Variants in SOS1 observed in about 807,000 individuals in gnomAD.
SOS1 encodes son of sevenless homolog 1.
In SOS1, 25 loss-of-function variants were observed where a neutral mutation model predicts 157.6. That is an observed-to-expected ratio of 0.16 (90% CI 0.12 to 0.22). SOS1 has a LOEUF of 0.22. SOS1 is among the 10% of genes least tolerant of loss of function. The pLI is 1.00. For synonymous variants in SOS1, 528 were observed against 534.0 expected, an observed-to-expected ratio of 0.99 and a Z score of 0.16; for missense variants, 1,237 against 1,599.1, an observed-to-expected ratio of 0.77 and a Z score of 3.86.
chr2:39,111,598 T>C (rs1284219840), intron 1 of SOS1, among the ~76,000 whole-genome samples: 2 of 152,204 alleles, frequency 1.3e-5, no homozygotes, highest in Admixed American at 6.5e-5. Context: ...ACTCCTAGAA[T>C]ACAGTCTCCC....
In SOS1 at chr2:39,067,716, T is replaced by A. The variant is rs1329027771; in HGVS notation, c.125A>T (p.Asp42Val). 6.2e-7 allele frequency: 1 copy of A among 1,612,534 alleles called. No individual in the cohort carries two copies. The highest frequency in any genetic ancestry group is 2.2e-5 in the East Asian group (1 of 44,862). ...GQVHPTLESN[D>V]DALQYVEELI... ...TTCTTCAACATACTGAAGAGCATCATCATTAGACTCGAGAGTAGGATGAAC... is the reference window on the plus strand; with the variant it reads ...TTCTTCAACATACTGAAGAGCATCAACATTAGACTCGAGAGTAGGATGAAC... The change falls in exon 2 of 23, where the codon GAT becomes GTT. Residue 42 changes from aspartate (D) to valine (V), a missense_variant. Asp to Val is a radical substitution (Grantham distance 152). This residue lies in a region of SOS1 where 99 missense variants were observed against 81.6 expected (regional missense o/e 1.21). Coordinates refer to ENST00000402219, the MANE Select transcript of SOS1 (RefSeq NM_005633.4).
At chr2:39,122,985 C>G (rs1388561088), upstream of SOS1, among the ~76,000 whole-genome samples, 1 of 152,134 alleles carries the variant, frequency 6.6e-6, no homozygotes, top group Non-Finnish European at 1.5e-5. Context: ...AACTTCTTAC[C>G]GTACCCCACA....
rs4015854 is a variant in SOS1, at chr2:38,997,606, A to ATTT, written c.2792-184_2792-182dup. Reference sequence around the variant, plus strand: ...GAGAAAGTATCTGTGAAAGACTTAAATTTTTTTTTTTTTTTCCTCATCAGA... The same window carrying ATTT: ...GAGAAAGTATCTGTGAAAGACTTAAATTTTTTTTTTTTTTTTTTCCTCATCAGA... On this transcript the variant is annotated intron_variant, in intron 17 of 22. Coordinates refer to ENST00000402219, the MANE Select transcript of SOS1 (RefSeq NM_005633.4). 3.3e-3 allele frequency among the ~76,000 whole-genome samples: 487 copies of ATTT among 146,304 alleles called. 2 individuals carry two copies. Among genetic ancestry groups the ATTT allele is most frequent in the African/African-American group, 3.8e-3 (151 of 40,008 alleles).
intron 1 of SOS1, among the ~76,000 whole-genome samples, chr2:39,119,540 T>C (rs1014086932): frequency 6.6e-6 from 1 of 152,034 alleles, no homozygotes; most frequent in Admixed American, 6.6e-5. Context: ...ACAGAAAAGG[T>C]AAATGAAGAA....
chr2:39,075,857 G>T (rs990361758), intron 1 of SOS1, among the ~76,000 whole-genome samples: 2 of 151,908 alleles, frequency 1.3e-5, no homozygotes, highest in Non-Finnish European at 1.5e-5. Context: ...TAGGTAAAGT[G>T]AACAAATTCC....
At chr2:39,017,046 G>C (rs1374268609) in intron 10 of SOS1, among the ~76,000 whole-genome samples, 1 of 151,902 alleles carries the variant, frequency 6.6e-6, no homozygotes, top group Non-Finnish European at 1.5e-5. Context: ...ACCAATTCTT[G>C]GTCTATTATG....
chr2:39,096,210 G>T (rs961471980), intron 1 of SOS1, among the ~76,000 whole-genome samples: 1 of 152,176 alleles, frequency 6.6e-6, no homozygotes, highest in African/African-American at 2.4e-5. Flanking sequence ...AAAGAAGGAA[G>T]AGGATAGCCT....
At chr2:39,032,490 A>G (rs905692263) in intron 8 of SOS1, among the ~76,000 whole-genome samples, 2 of 152,258 alleles carry the variant, frequency 1.3e-5, no homozygotes, top group Admixed American at 6.5e-5. Context: ...AAATGTATAT[A>G]TATTTTTTGC....
chr2:38,991,208 C>T (rs925974069), intron 20 of SOS1, among the ~76,000 whole-genome samples: 33 of 144,480 alleles, frequency 2.3e-4, no homozygotes, highest in African/African-American at 8.2e-4. Context: ...TTGATAGAAA[C>T]AAGCATTTTT....
intron 5 of SOS1, among the ~76,000 whole-genome samples, chr2:39,053,801 C>T (rs1446138695): frequency 2.0e-5 from 3 of 152,176 alleles, no homozygotes; most frequent in African/African-American, 7.2e-5. Context: ...TTCAATGTTA[C>T]TGGCCCCTTC....
Position 39,051,152 on chromosome 2 carries a change from A to G in SOS1, c.856T>C (p.Leu286=). ...HPLVGSCFED[L]AEELAFDPYE... is the part of the protein sequence containing the mutation. Reference sequence around the variant, plus strand: ...ATAATTGAAGTACTTACCTCTGCTAAGTCTTCAAAGCAGCTTCCTACTAGT... The same window carrying G: ...ATAATTGAAGTACTTACCTCTGCTAGGTCTTCAAAGCAGCTTCCTACTAGT... Residue 286 remains leucine, a synonymous_variant, in exon 6 of 23, where the codon TTA becomes CTA. Transcript: ENST00000402219. 6.2e-7 allele frequency: 1 copy of G among 1,613,770 alleles called. No individual in the cohort carries two copies. The highest frequency in any genetic ancestry group is 8.5e-7 in the Non-Finnish European group (1 of 1,179,740).
At position 39,022,613 on chromosome 2, in the gene SOS1, A is replaced by T. The variant is rs751909070; in HGVS notation, c.1815T>A (p.Thr605=). The change falls in exon 10 of 23, where the codon ACT becomes ACA. Residue 605 remains threonine, a synonymous_variant. Transcript: ENST00000402219. The stretch of plus-strand genomic sequence containing the variant: ...TAAGCCTCTCTATAAGTTTAATAAC[A>T]GTTCCTGCTTTGATAATTGGAATTC... ...KAGIPIIKAG[T]VIKLIERLTY... is the part of the protein sequence containing the mutation. 1.2e-6 allele frequency: 2 copies of T among 1,613,314 alleles called. No homozygotes were observed. Among genetic ancestry groups the T allele is most frequent in the Non-Finnish European group, 1.7e-6 (2 of 1,179,448 alleles).
chr2:39,098,399 A>C (rs1672849006), intron 1 of SOS1: 1 of 216,114 alleles, frequency 4.6e-6, no homozygotes, highest in Non-Finnish European at 9.0e-6. Context: ...TTTCATCAAT[A>C]CACGGTCATA....
At position 39,044,692 on chromosome 2, in the gene SOS1, C is replaced by G. The variant is rs1167971284; in HGVS notation, c.864+6452G>C. Among the ~76,000 whole-genome samples the G allele has an allele frequency of 5.9e-5, 9 of 152,144 alleles. No homozygotes were observed. The South Asian group carries it at 1.7e-3, about 28-fold the overall frequency. The stretch of plus-strand genomic sequence containing the variant: ...GTATTTGTGGGATGTGAAACCCTTG[C>G]GTACTCAGGGCTGGCTTTTCGTATA... On this transcript the variant is annotated intron_variant, in intron 6 of 22. Transcript: ENST00000402219.
chr2:39,102,291 G>A (rs897231037), intron 1 of SOS1, among the ~76,000 whole-genome samples: 3 of 149,780 alleles, frequency 2.0e-5, no homozygotes, highest in Non-Finnish European at 3.0e-5. Context: ...GGGAGGCTAA[G>A]GCAGGAGGAT....
intron 6 of SOS1, among the ~76,000 whole-genome samples, chr2:39,048,695 C>A (rs1321517471): frequency 2.6e-5 from 4 of 152,116 alleles, no homozygotes; most frequent in Non-Finnish European, 5.9e-5. Context: ...AGCCACTGGA[C>A]CCAACCCAAG....
At chr2:38,989,170 T>A in intron 21 of SOS1, 100 bp downstream of exon 21, 1 of 803,578 alleles carries the variant, frequency 1.2e-6, no homozygotes, top group Non-Finnish European at 2.2e-6. Context: ...AAGGTACCAA[T>A]GCTGCCAGAC....
At chr2:39,074,785 T>C (rs1671909199) in intron 1 of SOS1, among the ~76,000 whole-genome samples, 1 of 151,568 alleles carries the variant, frequency 6.6e-6, no homozygotes, top group Admixed American at 6.6e-5. Flanking sequence ...GAGATTTGCT[T>C]GAACCCGGGA....
At chr2:39,111,356 TG>T (rs1673429170) in intron 1 of SOS1, among the ~76,000 whole-genome samples, 1 of 152,150 alleles carries the variant, frequency 6.6e-6, no homozygotes, top group Non-Finnish European at 1.5e-5. Flanking sequence ...GGTATACGAG[TG>T]TTTACTGTAC....
Sources: allele counts gnomAD v4.1 joint callset (sites outside exome capture counted in the v4.1 genomes callset), GRCh38; gene constraint gnomAD v4.1.1; regional missense constraint gnomAD v4.1.1; transcripts MANE v1.5; gene names NCBI Gene and HGNC (gene_info 2026-07-23, HGNC 2026-07-21).